The following GRID2 variants were observed in gnomAD, a reference collection of about 807,000 sequenced individuals.
GRID2 encodes the protein glutamate receptor ionotropic, delta-2.
A neutral mutation model predicts 114.8 loss-of-function variants in GRID2; 33 were observed. The observed-to-expected ratio is 0.29, with a 90% CI of 0.22 to 0.38. The LOEUF (loss-of-function observed/expected upper bound fraction) is 0.38. GRID2 is among the 10% of genes least tolerant of loss of function. The pLI, the probability that GRID2 is intolerant of heterozygous loss-of-function variation, is 1.00. For missense variants in GRID2, 1,184 were observed against 1,257.7 expected (o/e 0.94, Z 0.89); for synonymous variants, 505 against 449.9 (o/e 1.12, Z -1.55).
intron 3 of GRID2, among the ~76,000 whole-genome samples, chr4:93,099,549 T>C (rs1303006876): frequency 6.6e-6 from 1 of 151,902 alleles, no homozygotes; most frequent in African/African-American, 2.4e-5. Flanking sequence ...TGGAAATGGC[T>C]GTATCCAGTA....
intron 2 of GRID2, among the ~76,000 whole-genome samples, chr4:92,699,531 C>T (rs910154321): frequency 6.6e-6 from 1 of 152,142 alleles, no homozygotes; most frequent in Admixed American, 6.5e-5. Flanking sequence ...AGATATTTCT[C>T]AAAGGGAGGC....
intron 2 of GRID2, among the ~76,000 whole-genome samples, chr4:93,011,168 T>C (rs557630391): frequency 2.0e-4 from 30 of 152,120 alleles, no homozygotes; most frequent in African/African-American, 7.0e-4. Flanking sequence ...TGCTGTTTTT[T>C]TTAATTACTT....
chr4:92,959,488 A>G (rs1466459505), intron 2 of GRID2, among the ~76,000 whole-genome samples: 2 of 151,956 alleles, frequency 1.3e-5, no homozygotes, highest in Non-Finnish European at 2.9e-5. Context: ...CGTAACCTTC[A>G]GCAATCCCAC....
At chr4:93,289,526 C>T (rs1258220557) in intron 8 of GRID2, among the ~76,000 whole-genome samples, 2 of 152,034 alleles carry the variant, frequency 1.3e-5, no homozygotes, top group African/African-American at 2.4e-5. Flanking sequence ...CCAGTTCAGG[C>T]ATACACACAT....
chr4:92,311,169 C>G (rs969394205), intron 1 of GRID2, among the ~76,000 whole-genome samples: 57 of 152,004 alleles, frequency 3.7e-4, no homozygotes, highest in African/African-American at 1.4e-3. Flanking sequence ...TATGTATCAA[C>G]TATCATTGTG....
intron 8 of GRID2, among the ~76,000 whole-genome samples, chr4:93,366,169 T>A (rs186303751): frequency 4.6e-5 from 7 of 152,302 alleles, no homozygotes; most frequent in African/African-American, 1.7e-4. Context: ...ATAAGAGAGA[T>A]AACCTTAAAC....
At chr4:92,926,339 A>C (rs185050166) in intron 2 of GRID2, among the ~76,000 whole-genome samples, 2 of 152,130 alleles carry the variant, frequency 1.3e-5, no homozygotes, top group Non-Finnish European at 2.9e-5. Context: ...TTTTATATCT[A>C]TGAAAGCTAC....
At chr4:92,814,460 G>A (rs1253697055) in intron 2 of GRID2, among the ~76,000 whole-genome samples, 2 of 152,100 alleles carry the variant, frequency 1.3e-5, no homozygotes, top group African/African-American at 4.8e-5. Context: ...CTTTATTTGT[G>A]AGGACATGCC....
chr4:93,355,828 A>G (rs1474908648), intron 8 of GRID2, among the ~76,000 whole-genome samples: 1 of 152,050 alleles, frequency 6.6e-6, no homozygotes, highest in East Asian at 1.9e-4. Context: ...CTTGGCCAAA[A>G]TTGGTCCAAT....
At chr4:92,378,789 G>T (rs753392783) in intron 1 of GRID2, among the ~76,000 whole-genome samples, 6 of 151,894 alleles carry the variant, frequency 4.0e-5, no homozygotes, top group Non-Finnish European at 8.8e-5. Context: ...AACAACATAA[G>T]TAAGAATCAA....
chr4:93,552,576 C>G (rs937515268), intron 13 of GRID2, among the ~76,000 whole-genome samples: 2 of 152,162 alleles, frequency 1.3e-5, no homozygotes, highest in Non-Finnish European at 2.9e-5. Context: ...GCCATTCTAA[C>G]TGGTGTGAGA....
intron 1 of GRID2, among the ~76,000 whole-genome samples, chr4:92,320,499 G>C (rs1361223743): frequency 1.3e-5 from 2 of 151,772 alleles, no homozygotes; most frequent in Non-Finnish European, 2.9e-5. Context: ...TTTTGAGACA[G>C]AGTCTCACTC....
chr4:92,793,465 T>C (rs1372361605), intron 2 of GRID2, among the ~76,000 whole-genome samples: 1 of 151,280 alleles, frequency 6.6e-6, no homozygotes, highest in East Asian at 2.0e-4. Context: ...ACCTGGGAGA[T>C]GAAATAATTT....
intron 1 of GRID2, among the ~76,000 whole-genome samples, chr4:92,443,277 T>C (rs1346286448): frequency 5.3e-5 from 8 of 152,202 alleles, no homozygotes; most frequent in Non-Finnish European, 8.8e-5. Flanking sequence ...TGCCATTTTC[T>C]GGCTATTTGG....
chr4:92,997,591 G>C (rs1755281686), intron 2 of GRID2, among the ~76,000 whole-genome samples: 1 of 152,192 alleles, frequency 6.6e-6, no homozygotes, highest in South Asian at 2.1e-4. Flanking sequence ...AAGAGGATAT[G>C]GATTGTGTCT....
At chr4:93,163,377 TATATATATATATATATATATATAC>T (rs200779851) in intron 4 of GRID2, among the ~76,000 whole-genome samples, 49,699 of 122,774 alleles carry the variant, frequency 0.4, 10,090 homozygotes, top group Middle Eastern at 0.58. Context: ...TATATATATA[TATATATATATATATATATATATAC>T]ACTATATATA....
intron 1 of GRID2, among the ~76,000 whole-genome samples, chr4:92,585,350 T>G (rs1190548829): frequency 1.3e-5 from 2 of 152,038 alleles, no homozygotes; most frequent in Non-Finnish European, 2.9e-5. Flanking sequence ...CATATATAAT[T>G]TATATGTTAG....
Position 92,809,638 on chromosome 4 carries a change from G to A in GRID2, c.244+219352G>A, listed in dbSNP as rs141967735. On this transcript the variant is annotated intron_variant, in intron 2 of 15. Coordinates refer to ENST00000282020, the MANE Select transcript of GRID2 (RefSeq NM_001510.4). ...CCATCCAGCCCCAGTTTGAAAAATA[G>A]CATGAATAATCTCCTTCTTGATCTG... 3.2e-4 allele frequency among the ~76,000 whole-genome samples: 49 copies of A among 151,996 alleles called. No homozygotes were observed. The East Asian group carries it at 9.5e-3, about 30-fold the overall frequency.
At chr4:92,993,096 C>G (rs1459411366) in intron 2 of GRID2, among the ~76,000 whole-genome samples, 4 of 151,908 alleles carry the variant, frequency 2.6e-5, no homozygotes, top group Non-Finnish European at 5.9e-5. Flanking sequence ...GTGCTTTGAG[C>G]TTGGAACAGA....
Sources: allele counts gnomAD v4.1 joint callset (sites outside exome capture counted in the v4.1 genomes callset), GRCh38; gene constraint gnomAD v4.1.1; transcripts MANE v1.5; gene names NCBI Gene and HGNC (gene_info 2026-07-23, HGNC 2026-07-21).